CCDC7: variants seen among roughly 807,000 people sequenced by gnomAD.
CCDC7 encodes coiled-coil domain-containing protein 7.
In CCDC7, 183 loss-of-function variants were observed where a neutral mutation model predicts 196.9. The ratio of observed to expected loss-of-function variants is 0.93; its 90% CI spans 0.82 to 1.05. CCDC7 has a LOEUF of 1.05. CCDC7 is among the 50% of genes least tolerant of loss of function. The pLI is 0.00. For synonymous variants in CCDC7, 525 were observed against 484.6 expected, an observed-to-expected ratio of 1.08 and a Z score of -1.10; for missense variants, 1,540 against 1,482.2, an observed-to-expected ratio of 1.04 and a Z score of -0.64.
At chr10:32,717,464 TAAAAG>T (rs1182221952) in intron 25 of CCDC7, among the ~76,000 whole-genome samples, 6 of 151,872 alleles carry the variant, frequency 4.0e-5, no homozygotes, top group Non-Finnish European at 7.4e-5. Flanking sequence ...ACATCACAAT[TAAAAG>T]AACTAGAGAA....
intron 21 of CCDC7, among the ~76,000 whole-genome samples, chr10:32,670,525 G>A (rs569645184): frequency 0.036 from 5,229 of 145,168 alleles, 77 homozygotes; most frequent in Non-Finnish European, 0.048. Context: ...ATATCTCCCA[G>A]TGCTATCCCT....
intron 30 of CCDC7, among the ~76,000 whole-genome samples, chr10:32,813,019 G>A (rs1423202988): frequency 2.0e-5 from 3 of 152,122 alleles, no homozygotes; most frequent in African/African-American, 7.2e-5. Flanking sequence ...GAATGCAGTT[G>A]TGGCATATTT....
At chr10:32,678,064 T>C (rs868667879) in intron 21 of CCDC7, among the ~76,000 whole-genome samples, 2 of 152,208 alleles carry the variant, frequency 1.3e-5, no homozygotes, top group Middle Eastern at 3.4e-3. Context: ...TTGGTTTACA[T>C]TTTTATGGTT....
chr10:32,565,762 T>A lies in CCDC7; in HGVS notation c.1197+142T>A, dbSNP rs2056684901. 2 of 731,124 alleles carry A rather than the reference T, an allele frequency of 2.7e-6. 1 individual carries two copies. Among genetic ancestry groups the A allele is most frequent in the Non-Finnish European group, 4.1e-6 (2 of 484,200 alleles). 45.3% of individuals were successfully genotyped at this position (731,124 alleles called of 1,614,324 possible). ...TGGCTAGGTTTAAACTATATTCATT[T>A]TATGCATTAGGGGTATATTAATAAA... On this transcript the variant is annotated intron_variant, in intron 14 of 41. Transcript: ENST00000639629.
chr10:32,526,223 C>G (rs2048650689), intron 11 of CCDC7, among the ~76,000 whole-genome samples: 1 of 152,204 alleles, frequency 6.6e-6, no homozygotes, highest in Non-Finnish European at 1.5e-5. Flanking sequence ...TCTGCCTGTA[C>G]ACACCGTTGA....
chr10:32,783,637 A>G lies in CCDC7; in HGVS notation c.3013+4553A>G, dbSNP rs547781785. 2.0e-5 allele frequency among the ~76,000 whole-genome samples: 3 copies of G among 152,334 alleles called. No individual in the cohort carries two copies. The East Asian group carries it at 5.8e-4, about 29-fold the overall frequency. Reference sequence around the variant, plus strand: ...TAAACATGGAGTTCTCATATGATCTATTTACTTCAAGGTGTAGGTGTAGAC... The same window carrying G: ...TAAACATGGAGTTCTCATATGATCTGTTTACTTCAAGGTGTAGGTGTAGAC... On this transcript the variant is annotated intron_variant, in intron 29 of 41. Coordinates refer to ENST00000639629, the Ensembl canonical transcript of CCDC7.
chr10:32,841,048 A>G (rs919932062), intron 33 of CCDC7, among the ~76,000 whole-genome samples: 2 of 152,074 alleles, frequency 1.3e-5, no homozygotes, highest in African/African-American at 2.4e-5. Flanking sequence ...CCAACATTAC[A>G]CTGAACGGGT....
At chr10:32,595,465 A>G (rs536106178) in intron 18 of CCDC7, among the ~76,000 whole-genome samples, 1 of 152,232 alleles carries the variant, frequency 6.6e-6, no homozygotes, top group East Asian at 1.9e-4. Context: ...CGAGTGGTCT[A>G]TCAATTTTGT....
intron 31 of CCDC7, 96 bp downstream of exon 32, chr10:32,814,549 G>GT: frequency 1.7e-5 from 14 of 801,358 alleles, no homozygotes; most frequent in Non-Finnish European, 2.9e-5. Context: ...CAGTGCCTAT[G>GT]AATTATTACA....
chr10:32,677,690 C>T (rs2075240564), intron 21 of CCDC7, among the ~76,000 whole-genome samples: 1 of 151,898 alleles, frequency 6.6e-6, no homozygotes, highest in Non-Finnish European at 1.5e-5. Context: ...GTGTAAATTT[C>T]TTAAGATTCA....
intron 39 of CCDC7, among the ~76,000 whole-genome samples, chr10:32,850,213 C>T (rs1264539947): frequency 2.0e-5 from 3 of 152,156 alleles, no homozygotes; most frequent in South Asian, 4.1e-4. Flanking sequence ...CTATCTTGCA[C>T]GGCCTACCTT....
chr10:32,813,564 A>T (rs1269237633), intron 30 of CCDC7, among the ~76,000 whole-genome samples: 1 of 152,240 alleles, frequency 6.6e-6, no homozygotes, highest in Non-Finnish European at 1.5e-5. Context: ...TTTCTGCCTC[A>T]TGAGAAGTTT....
At chr10:32,836,053 G>C (rs1268844576) in intron 33 of CCDC7, among the ~76,000 whole-genome samples, 1 of 152,094 alleles carries the variant, frequency 6.6e-6, no homozygotes, top group African/African-American at 2.4e-5. Context: ...TTATTCAGTT[G>C]TGTTCCACAA....
At chr10:32,830,497 A>T (rs1334356627) in intron 32 of CCDC7, among the ~76,000 whole-genome samples, 2 of 152,112 alleles carry the variant, frequency 1.3e-5, no homozygotes, top group Non-Finnish European at 2.9e-5. Flanking sequence ...AATAATTCTT[A>T]TAAATATTTA....
At chr10:32,584,068 G>T (rs1432482156) in intron 17 of CCDC7, among the ~76,000 whole-genome samples, 164 bp from the exon 19 acceptor site, 1 of 151,954 alleles carries the variant, frequency 6.6e-6, no homozygotes, top group Non-Finnish European at 1.5e-5. Context: ...TTTTTAATTT[G>T]ATACATTCAG....
chr10:32,684,936 T>TA (rs1325058542), intron 21 of CCDC7, among the ~76,000 whole-genome samples: 2 of 139,096 alleles, frequency 1.4e-5, no homozygotes, highest in African/African-American at 2.7e-5. Flanking sequence ...AGTTTCTTCT[T>TA]ATCCTTTGTG....
At chr10:32,826,740 A>G (rs1283663235) in intron 32 of CCDC7, among the ~76,000 whole-genome samples, 1 of 152,194 alleles carries the variant, frequency 6.6e-6, no homozygotes, top group Non-Finnish European at 1.5e-5. Flanking sequence ...CACCACTCGA[A>G]AGTGGACAGC....
chr10:32,672,035 T>C (rs1412692198), intron 21 of CCDC7, among the ~76,000 whole-genome samples: 1 of 152,134 alleles, frequency 6.6e-6, no homozygotes, highest in Non-Finnish European at 1.5e-5. Flanking sequence ...CTTGCTTGCA[T>C]TGGTAGTGGC....
intron 18 of CCDC7, among the ~76,000 whole-genome samples, chr10:32,617,298 T>C (rs1481217489): frequency 6.6e-6 from 1 of 151,868 alleles, no homozygotes; most frequent in African/African-American, 2.4e-5. Flanking sequence ...TTGGTTCTTC[T>C]TTGATATTTG....
Sources: allele counts gnomAD v4.1 joint callset (sites outside exome capture counted in the v4.1 genomes callset), GRCh38; gene constraint gnomAD v4.1.1; transcripts MANE v1.5; gene names NCBI Gene and HGNC (gene_info 2026-07-23, HGNC 2026-07-21).